Variants in ABCE1 observed in about 807,000 individuals in gnomAD.
ABCE1 encodes ATP binding cassette subfamily E member 1, also known as ATP-binding cassette sub-family E member 1.
ABCE1 carries 22 observed loss-of-function variants against 83.4 expected under a neutral mutation model. The observed-to-expected ratio is 0.26, with a 90% confidence interval of 0.19 to 0.38. The LOEUF (loss-of-function observed/expected upper bound fraction) is 0.38. Ranked by LOEUF, ABCE1 falls within the 10% of genes least tolerant of loss-of-function variation. The pLI is 1.00. For synonymous variants in ABCE1, 204 were observed against 233.7 expected (o/e 0.87, Z 1.16); for missense variants, 330 against 721.9 (o/e 0.46, Z 6.22).
chr4:145,109,315 T>A, intron 5 of ABCE1, 66 bp downstream of exon 5: 1 of 825,208 alleles, frequency 1.2e-6, no homozygotes, highest in African/African-American at 1.8e-5. Flanking sequence ...GGGGGGATGA[T>A]ATGTATATTT....
chr4:145,110,651 A>G (rs562745447), intron 7 of ABCE1, among the ~76,000 whole-genome samples: 27 of 151,852 alleles, frequency 1.8e-4, no homozygotes, highest in African/African-American at 5.3e-4. Flanking sequence ...AATTTTTTGT[A>G]TTTTTAGTAG....
At chr4:145,107,961 T>C (rs1749352781) in intron 3 of ABCE1, 54 bp from the exon 4 acceptor site, 5 of 1,321,606 alleles carry the variant, frequency 3.8e-6, no homozygotes, top group Middle Eastern at 2.1e-4. Context: ...ATTTTAGTTA[T>C]GTGTATATGT....
chr4:145,113,080 T>G (rs1428270593), intron 9 of ABCE1, among the ~76,000 whole-genome samples: 2 of 152,178 alleles, frequency 1.3e-5, no homozygotes, highest in African/African-American at 2.4e-5. Flanking sequence ...GGTCAAAAAC[T>G]AAAGCATTAG....
intron 9 of ABCE1, among the ~76,000 whole-genome samples, chr4:145,115,399 G>A (rs1004817417): frequency 2.6e-5 from 4 of 151,920 alleles, no homozygotes; most frequent in Non-Finnish European, 5.9e-5. Flanking sequence ...CAAAGACACC[G>A]ATGCAAGATG....
At chr4:145,122,839 G>A in intron 13 of ABCE1, 182 bp from the exon 14 acceptor site, 1 of 503,918 alleles carries the variant, frequency 2.0e-6, no homozygotes, top group Middle Eastern at 5.3e-4. Flanking sequence ...TTTACTTGTT[G>A]GACATGATGG....
Position 145,111,041 on chromosome 4 carries a change from C to T in ABCE1, c.687C>T (p.Val229=), listed in dbSNP as rs145393813. ...GGELQRFACA[V]VCIQKADIFM... Reference sequence around the variant, plus strand: ...AGTTGCAGAGATTTGCTTGTGCTGTCGTTTGCATACAGAAAGCTGATATGT... The same window carrying T: ...AGTTGCAGAGATTTGCTTGTGCTGTTGTTTGCATACAGAAAGCTGATATGT... Residue 229 remains valine, a synonymous_variant, in exon 8 of 18, where the codon GTC becomes GTT. Coordinates refer to ENST00000296577, the MANE Select transcript of ABCE1 (RefSeq NM_002940.3). 1.7e-3 allele frequency: 2,684 copies of T among 1,611,310 alleles called. 3 individuals carry two copies. The highest frequency in any genetic ancestry group is 3.7e-3 in the Middle Eastern group (22 of 6,016).
In ABCE1 at chr4:145,117,394, T is replaced by C; in HGVS notation, c.902T>C (p.Met301Thr). The C allele has an allele frequency of 6.2e-7, 1 of 1,610,600 alleles. No individual in the cohort carries two copies. The highest frequency in any genetic ancestry group is 1.1e-5 in the South Asian group (1 of 90,802). Residue 301 changes from methionine (M) to threonine (T), a missense_variant, in exon 10 of 18, where the codon ATG becomes ACG. Met to Thr is a moderately conservative substitution (Grantham distance 81). Coordinates refer to ENST00000296577, the MANE Select transcript of ABCE1 (RefSeq NM_002940.3). ...CCAAGCGCCTATGGAGTTGTCACTATGCCTTTTAGTGTAAGAGAAGGTAAC... is the reference window on the plus strand; with the variant it reads ...CCAAGCGCCTATGGAGTTGTCACTACGCCTTTTAGTGTAAGAGAAGGTAAC... ...GVPSAYGVVTMPFSVREGINI... is the reference protein window; with the variant it reads ...GVPSAYGVVTTPFSVREGINI...
chr4:145,121,343 A>G lies in ABCE1; in HGVS notation c.1215A>G (p.Pro405=), dbSNP rs755512640. ...RLKPDEGGEV[P]VLNVSYKPQK... is the part of the protein sequence containing the mutation. ...TTCATTATTTTGCAGGAGAAGTACC[A>G]GTTCTAAATGTCAGTTATAAGCCAC... The change falls in exon 13 of 18, where the codon CCA becomes CCG. Residue 405 remains proline, a synonymous_variant. Transcript: ENST00000296577. 1.9e-6 allele frequency: 3 copies of G among 1,613,144 alleles called. No homozygotes were observed. Among genetic ancestry groups the G allele is most frequent in the Non-Finnish European group, 1.7e-6 (2 of 1,179,546 alleles).
intron 8 of ABCE1, 31 bp from the exon 9 acceptor site, chr4:145,112,208 T>G: frequency 6.9e-7 from 1 of 1,450,086 alleles, no homozygotes; most frequent in Non-Finnish European, 9.3e-7. Context: ...CTTTCAAACT[T>G]ATATTTGCTT....
chr4:145,111,839 G>A (rs920455698), intron 8 of ABCE1, among the ~76,000 whole-genome samples: 2 of 152,076 alleles, frequency 1.3e-5, no homozygotes, highest in Non-Finnish European at 2.9e-5. Flanking sequence ...CCTGTTGTCC[G>A]GTGAAGGCTA....
intron 9 of ABCE1, among the ~76,000 whole-genome samples, chr4:145,112,808 C>T (rs1749517235): frequency 6.6e-6 from 1 of 152,142 alleles, no homozygotes; most frequent in Non-Finnish European, 1.5e-5. Context: ...TTTTCAGATT[C>T]ATTATGTCAT....
At chr4:145,104,295 TATA>T (rs1240994187) in intron 1 of ABCE1, 88 bp from the exon 2 acceptor site, 1 of 488,062 alleles carries the variant, frequency 2.0e-6, no homozygotes. Context: ...TTCATCTCCA[TATA>T]ATGATCATTT....
At chr4:145,112,390 G>A (rs1749504836) in intron 9 of ABCE1, 62 bp downstream of exon 9, 1 of 1,145,242 alleles carries the variant, frequency 8.7e-7, no homozygotes, top group Non-Finnish European at 1.3e-6. Context: ...AGATTTCTAA[G>A]GATTAAACAC....
intron 9 of ABCE1, among the ~76,000 whole-genome samples, chr4:145,115,413 A>G (rs1055082074): frequency 6.6e-6 from 1 of 151,986 alleles, no homozygotes; most frequent in African/African-American, 2.4e-5. Flanking sequence ...CAAGATGAGT[A>G]TCACCAGCTC....
At chr4:145,124,614 C>A (rs1386262334) in intron 16 of ABCE1, among the ~76,000 whole-genome samples, 1 of 152,138 alleles carries the variant, frequency 6.6e-6, no homozygotes, top group East Asian at 1.9e-4. Context: ...ACAAATTTTT[C>A]ATATAAATAT....
At position 145,124,533 on chromosome 4, in the gene ABCE1, G is replaced by A. The variant is rs142534640; in HGVS notation, c.1641-457G>A. On this transcript the variant is annotated intron_variant, in intron 16 of 17. Transcript: ENST00000296577. ...TTTAAGAACTCACTTGGGTAAAAAC[G>A]ATTAAGCATAGAAATTTAGAAAGGA... Among the ~76,000 whole-genome samples the A allele has an allele frequency of 1.4e-3, 218 of 152,154 alleles. 1 individual carries two copies. Among genetic ancestry groups the A allele is most frequent in the African/African-American group, 4.9e-3 (205 of 41,528 alleles).
chr4:145,100,533 A>G (rs1749119306), intron 1 of ABCE1, among the ~76,000 whole-genome samples: 2 of 152,256 alleles, frequency 1.3e-5, no homozygotes, highest in African/African-American at 4.8e-5. Context: ...ATTAGAATGC[A>G]TGGTGTCCAG....
rs561272269 is a variant in ABCE1, at chr4:145,128,139, G to C, written c.*566G>C. The C allele has an allele frequency of 1.3e-5, 2 of 152,524 alleles. No homozygotes were observed. Among genetic ancestry groups the C allele is most frequent in the Non-Finnish European group, 2.9e-5 (2 of 67,998 alleles). 9.4% of individuals were successfully genotyped at this position (152,524 alleles called of 1,614,324 possible). On this transcript the variant is annotated 3_prime_UTR_variant, in exon 18 of 18. Transcript: ENST00000296577. ...GCAAAACACCACTGTTGGAAAAATA[G>C]GTATTTTTAAATTGTTTTTAATCTT...
chr4:145,110,814 T>TGTGTA (rs1749450613), intron 7 of ABCE1, 154 bp from the exon 8 acceptor site: 3 of 591,396 alleles, frequency 5.1e-6, no homozygotes, highest in African/African-American at 1.9e-5. Flanking sequence ...AAAGTACACA[T>TGTGTA]CTTTATGTGG....
Sources: allele counts gnomAD v4.1 joint callset (sites outside exome capture counted in the v4.1 genomes callset), GRCh38; gene constraint gnomAD v4.1.1; transcripts MANE v1.5; gene names NCBI Gene and HGNC (gene_info 2026-07-23, HGNC 2026-07-21).